Variants in RMDN2 observed in about 807,000 individuals in gnomAD.
RMDN2 encodes regulator of microtubule dynamics 2, also known as regulator of microtubule dynamics protein 2.
In RMDN2, 61 loss-of-function variants were observed where a neutral mutation model predicts 52.8. The observed-to-expected ratio is 1.16, with a 90% CI of 0.94 to 1.43. The LOEUF is 1.43. Among genes scored for constraint, RMDN2 ranks in the 40% most tolerant of loss-of-function variants. The pLI is 0.00. For synonymous variants in RMDN2, 180 were observed against 153.1 expected (o/e 1.18, Z -1.30); for missense variants, 592 against 475.3 (o/e 1.25, Z -2.28).
At chr2:38,038,854 T>G (rs1680765547) in intron 10 of RMDN2, among the ~76,000 whole-genome samples, 1 of 151,990 alleles carries the variant, frequency 6.6e-6, no homozygotes, top group Admixed American at 6.6e-5. Flanking sequence ...TCTTGGCATC[T>G]CCCATCCCAT....
chr2:37,965,562 TATC>T (rs1342392229), intron 2 of RMDN2, among the ~76,000 whole-genome samples: 3 of 152,162 alleles, frequency 2.0e-5, no homozygotes, highest in African/African-American at 7.2e-5. Flanking sequence ...TATGTTGTAT[TATC>T]ATTAATCTAG....
intron 4 of RMDN2, among the ~76,000 whole-genome samples, chr2:37,979,751 C>G (rs536120568): frequency 6.6e-6 from 1 of 152,034 alleles, no homozygotes; most frequent in African/African-American, 2.4e-5. Flanking sequence ...GTATACTACC[C>G]GGCGTCTTTT....
intron 2 of RMDN2, among the ~76,000 whole-genome samples, chr2:37,954,813 A>G (rs1020359103): frequency 6.6e-6 from 1 of 152,144 alleles, no homozygotes; most frequent in African/African-American, 2.4e-5. Context: ...TCTTAACATT[A>G]TAAACTTTCA....
At chr2:38,014,321 A>G (rs1003714261) in intron 10 of RMDN2, among the ~76,000 whole-genome samples, 2 of 152,180 alleles carry the variant, frequency 1.3e-5, no homozygotes, top group Non-Finnish European at 2.9e-5. Context: ...ACAACCCGCT[A>G]TTTCTACTCT....
In RMDN2 at chr2:37,991,423, AATTTT is replaced by A. The variant is rs1321267326; in HGVS notation, c.945+133_945+137del. ...TTAGGGAGAATTATAATAGCAATAA[AATTTT>A]ATTTTAATGTATAATATATATGTTA... is the stretch of plus-strand genomic sequence containing the variant. On this transcript the variant is annotated intron_variant, in intron 7 of 10. Transcript: ENST00000354545. 6.1e-5 allele frequency: 22 copies of A among 359,254 alleles called. 1 individual carries two copies. Among genetic ancestry groups the A allele is most frequent in the Admixed American group, 1.3e-4 (3 of 22,372 alleles). The allele number at this position is 359,254 out of a possible 1,614,324, so 22.3% of individuals were successfully genotyped here. A position where few individuals can be genotyped will look rare whatever the true frequency, so the allele number is the denominator to read the frequency against.
At chr2:37,951,267 T>G (rs990505111) in intron 2 of RMDN2, 20 of 1,601,966 alleles carry the variant, frequency 1.2e-5, no homozygotes, top group Non-Finnish European at 1.7e-5. Context: ...CCAACGATGT[T>G]CTCCAGAAGA....
intron 10 of RMDN2, among the ~76,000 whole-genome samples, chr2:38,026,579 A>T (rs555871836): frequency 6.6e-6 from 1 of 151,980 alleles, no homozygotes; most frequent in Non-Finnish European, 1.5e-5. Flanking sequence ...AGTCATTGAT[A>T]TAAGACTTTA....
intron 10 of RMDN2, among the ~76,000 whole-genome samples, chr2:38,050,955 G>A (rs1207572050): frequency 7.9e-5 from 12 of 152,110 alleles, no homozygotes; most frequent in Admixed American, 7.9e-4. Context: ...TAGAGACCAG[G>A]TTTCACCATA....
chr2:37,925,756 A>G (rs538414675), intron 1 of RMDN2, among the ~76,000 whole-genome samples: 146 of 152,022 alleles, frequency 9.6e-4, no homozygotes, highest in Middle Eastern at 3.4e-3. Context: ...GGTCCCTGCA[A>G]ACCCCAAAGA....
intron 10 of RMDN2, among the ~76,000 whole-genome samples, chr2:38,050,967 T>A (rs959778691): frequency 3.9e-5 from 6 of 152,158 alleles, no homozygotes; most frequent in Non-Finnish European, 8.8e-5. Context: ...TTCACCATAT[T>A]GGCCAGGCTG....
intron 2 of RMDN2, among the ~76,000 whole-genome samples, chr2:37,938,071 C>G (rs139207237): frequency 0.014 from 2,084 of 152,166 alleles, 22 homozygotes; most frequent in Non-Finnish European, 0.021. Context: ...TCCATCAATA[C>G]CTAGTTTATT....
chr2:37,950,247 C>T (rs1286865070), intron 2 of RMDN2: 2 of 441,508 alleles, frequency 4.5e-6, no homozygotes, highest in Non-Finnish European at 8.4e-6. Context: ...AAGGATTGTA[C>T]AGCTGTCATA....
intron 10 of RMDN2, among the ~76,000 whole-genome samples, chr2:38,007,164 CT>C (rs569265036): frequency 1.2e-3 from 183 of 152,256 alleles, no homozygotes; most frequent in African/African-American, 4.2e-3. Context: ...GTCTAAAATT[CT>C]CTTTTTTTGT....
chr2:38,002,583 A>G (rs1028352557), intron 8 of RMDN2, among the ~76,000 whole-genome samples: 1 of 152,234 alleles, frequency 6.6e-6, no homozygotes. Flanking sequence ...CAAGAATTAT[A>G]TATCTGTAAA....
At chr2:37,930,624 G>T (rs1452043846) in intron 2 of RMDN2, among the ~76,000 whole-genome samples, 1 of 152,210 alleles carries the variant, frequency 6.6e-6, no homozygotes, top group Non-Finnish European at 1.5e-5. Flanking sequence ...TTACTTTCTT[G>T]CAGGAAGCAG....
intron 2 of RMDN2, among the ~76,000 whole-genome samples, chr2:37,954,951 A>G (rs1024524652): frequency 3.3e-5 from 5 of 152,122 alleles, no homozygotes; most frequent in Non-Finnish European, 7.4e-5. Flanking sequence ...TACACTTTTG[A>G]TGCAATTATA....
intron 5 of RMDN2, among the ~76,000 whole-genome samples, chr2:37,988,324 T>C (rs1333737256): frequency 6.6e-6 from 1 of 152,220 alleles, no homozygotes; most frequent in Non-Finnish European, 1.5e-5. Flanking sequence ...GTACATGAAA[T>C]TCAGTCTGAT....
chr2:38,023,844 T>C (rs1384458176), intron 10 of RMDN2, among the ~76,000 whole-genome samples: 3 of 151,186 alleles, frequency 2.0e-5, no homozygotes, highest in Non-Finnish European at 2.9e-5. Flanking sequence ...TTATAAATTT[T>C]GACGTGTACA....
At chr2:38,021,660 C>T (rs924008707), downstream of RMDN2, among the ~76,000 whole-genome samples, 4 of 152,206 alleles carry the variant, frequency 2.6e-5, no homozygotes, top group Admixed American at 2.0e-4. Context: ...AGACCAAGAA[C>T]CCACCAATTC....
Sources: gnomAD v4.1 joint callset for allele counts (sites outside exome capture counted in the v4.1 genomes callset) on GRCh38, gnomAD v4.1.1 for gene constraint, MANE v1.5 for transcripts, NCBI Gene and HGNC (gene_info 2026-07-23, HGNC 2026-07-21) for gene names.